Variants in HCN1 observed in about 807,000 individuals in gnomAD.
HCN1 encodes the protein hyperpolarization activated cyclic nucleotide gated potassium channel 1, also known as potassium/sodium hyperpolarization-activated cyclic nucleotide-gated channel 1.
HCN1 carries 13 observed loss-of-function variants against 78.9 expected under a neutral mutation model. The observed-to-expected ratio is 0.16, with a 90% CI of 0.11 to 0.26. The LOEUF (loss-of-function observed/expected upper bound fraction) is 0.26, where lower values mean the gene tolerates loss of function less well. Ranked by LOEUF, HCN1 falls within the 10% of genes least tolerant of loss-of-function variation. The pLI, the probability that HCN1 is intolerant of heterozygous loss-of-function variation, is 1.00. For synonymous variants in HCN1, 552 were observed against 455.5 expected (o/e 1.21, Z -2.70); for missense variants, 810 against 1,154.3 (o/e 0.70, Z 4.32).
At chr5:45,539,937 T>C (rs940871807) in intron 2 of HCN1, among the ~76,000 whole-genome samples, 2 of 141,102 alleles carry the variant, frequency 1.4e-5, no homozygotes, top group Non-Finnish European at 3.0e-5. Context: ...TATATATATA[T>C]ATATATATAT....
chr5:45,374,117 A>ATATATATAATATATATTATATACATAT (rs1491403946), intron 4 of HCN1, among the ~76,000 whole-genome samples: 6 of 103,072 alleles, frequency 5.8e-5, no homozygotes, highest in South Asian at 2.4e-4. Context: ...TATATACATA[A>ATATATATAATATATATTATATACATAT]TATATATAAT....
chr5:45,663,790 T>C (rs1172709355), intron 1 of HCN1, among the ~76,000 whole-genome samples: 20 of 150,824 alleles, frequency 1.3e-4, no homozygotes, highest in African/African-American at 4.6e-4. Flanking sequence ...ATGGCAATCA[T>C]TAAAAAGTCA....
At chr5:45,675,301 C>A (rs1163176508) in intron 1 of HCN1, among the ~76,000 whole-genome samples, 2 of 151,700 alleles carry the variant, frequency 1.3e-5, no homozygotes, top group Admixed American at 6.6e-5. Context: ...GTCTGCTAGT[C>A]ACATTTTATC....
At chr5:45,361,974 T>C (rs931091030) in intron 4 of HCN1, among the ~76,000 whole-genome samples, 6 of 152,158 alleles carry the variant, frequency 3.9e-5, no homozygotes, top group Non-Finnish European at 8.8e-5. Flanking sequence ...CTTTAGTATG[T>C]TAATTTATTT....
intron 6 of HCN1, among the ~76,000 whole-genome samples, chr5:45,280,321 A>G (rs1745133030): frequency 6.6e-6 from 1 of 152,206 alleles, no homozygotes; most frequent in African/African-American, 2.4e-5. Context: ...ACTTGAAAGA[A>G]TCTCAGAAGA....
At chr5:45,372,548 A>C (rs1422769079) in intron 4 of HCN1, among the ~76,000 whole-genome samples, 2 of 129,126 alleles carry the variant, frequency 1.5e-5, no homozygotes, top group African/African-American at 2.9e-5. Context: ...TACATATAAA[A>C]ATATATAAAA....
intron 2 of HCN1, among the ~76,000 whole-genome samples, chr5:45,572,420 T>C (rs1190872461): frequency 2.0e-5 from 3 of 152,154 alleles, no homozygotes; most frequent in Non-Finnish European, 4.4e-5. Context: ...TAAAGAGAAT[T>C]AACCTGGATA....
chr5:45,420,951 T>C (rs1359312401), intron 3 of HCN1, among the ~76,000 whole-genome samples: 1 of 152,212 alleles, frequency 6.6e-6, no homozygotes, highest in East Asian at 1.9e-4. Flanking sequence ...TACAGTTAGA[T>C]ACCCAAGAGA....
chr5:45,339,204 G>A (rs1016939323), intron 5 of HCN1, among the ~76,000 whole-genome samples: 1 of 152,074 alleles, frequency 6.6e-6, no homozygotes, highest in Non-Finnish European at 1.5e-5. Flanking sequence ...CTGGTTACTA[G>A]AAATACAAGG....
intron 5 of HCN1, among the ~76,000 whole-genome samples, chr5:45,345,624 G>A (rs1746686052): frequency 6.6e-6 from 1 of 152,158 alleles, no homozygotes; most frequent in Admixed American, 6.5e-5. Flanking sequence ...AGCATAACAA[G>A]AGTCACCTTT....
chr5:45,445,247 T>C (rs1477283355), intron 3 of HCN1, among the ~76,000 whole-genome samples: 1 of 152,302 alleles, frequency 6.6e-6, no homozygotes, highest in East Asian at 1.9e-4. Context: ...CGCACCTGGC[T>C]CGGAGGGTCC....
chr5:45,563,238 T>A (rs1561202317), intron 2 of HCN1, among the ~76,000 whole-genome samples: 1 of 151,916 alleles, frequency 6.6e-6, no homozygotes, highest in Admixed American at 6.6e-5. Flanking sequence ...TCACCTGAGG[T>A]CAGGAGTTCA....
intron 2 of HCN1, among the ~76,000 whole-genome samples, chr5:45,498,794 T>A (rs990067649): frequency 3.9e-5 from 6 of 152,132 alleles, no homozygotes; most frequent in Non-Finnish European, 7.4e-5. Context: ...TTAGTTTTCC[T>A]TCTAACAGAC....
At chr5:45,315,782 A>T (rs1745974009) in intron 5 of HCN1, among the ~76,000 whole-genome samples, 1 of 152,182 alleles carries the variant, frequency 6.6e-6, no homozygotes. Flanking sequence ...AATACTATAA[A>T]CACCTCTATG....
At chr5:45,282,324 G>A (rs747662729) in intron 6 of HCN1, among the ~76,000 whole-genome samples, 1 of 152,098 alleles carries the variant, frequency 6.6e-6, no homozygotes, top group African/African-American at 2.4e-5. Flanking sequence ...TTTCTTATAT[G>A]TTATCTTGAG....
intron 1 of HCN1, among the ~76,000 whole-genome samples, chr5:45,647,130 G>A (rs1218490677): frequency 6.6e-6 from 1 of 152,132 alleles, no homozygotes; most frequent in Non-Finnish European, 1.5e-5. Flanking sequence ...TAAAGGATAA[G>A]CGTTTGTTAT....
intron 1 of HCN1, among the ~76,000 whole-genome samples, chr5:45,666,923 G>A (rs1746062038): frequency 6.6e-6 from 1 of 151,904 alleles, no homozygotes; most frequent in African/African-American, 2.4e-5. Context: ...AAAATCAGGG[G>A]GGTGGGAATG....
At chr5:45,380,332 G>T (rs762544081) in intron 4 of HCN1, among the ~76,000 whole-genome samples, 2 of 151,980 alleles carry the variant, frequency 1.3e-5, no homozygotes, top group African/African-American at 2.4e-5. Flanking sequence ...TTCCCAAAAG[G>T]CTCCCTCTTA....
intron 2 of HCN1, among the ~76,000 whole-genome samples, chr5:45,611,267 T>C (rs1483597679): frequency 6.7e-6 from 1 of 148,452 alleles, no homozygotes; most frequent in African/African-American, 2.4e-5. Context: ...TTTTATCTTT[T>C]TCTTTTTTTT....
Sources: allele counts gnomAD v4.1 joint callset (sites outside exome capture counted in the v4.1 genomes callset), GRCh38; gene constraint gnomAD v4.1.1; transcripts MANE v1.5; gene names NCBI Gene and HGNC (gene_info 2026-07-23, HGNC 2026-07-21).